The following FADS3 variants were observed in gnomAD, a reference collection of about 807,000 sequenced individuals.
FADS3 encodes the protein cytochrome b5-related protein.
In FADS3, 30 loss-of-function variants were observed where a neutral mutation model predicts 60.4. The observed-to-expected ratio is 0.50, with a 90% confidence interval of 0.37 to 0.67. FADS3 has a LOEUF of 0.67. Ranked by LOEUF, FADS3 falls within the 30% of genes least tolerant of loss-of-function variation. FADS3 has a pLI of 0.00. For missense variants in FADS3, 432 were observed against 598.3 expected (o/e 0.72, Z 2.90); for synonymous variants, 234 against 249.3 (o/e 0.94, Z 0.58).
upstream of FADS3, chr11:61,891,648 AC>A (rs35870730): frequency 0.18 from 26,916 of 151,370 alleles, 2,902 homozygotes; most frequent in Admixed American, 0.37. Flanking sequence ...AGGCTGGCTG[AC>A]CCCCCGCGTC....
chr11:61,879,160 T>G, intron 3 of FADS3, 152 bp downstream of exon 3: 1 of 767,892 alleles, frequency 1.3e-6, no homozygotes, highest in Non-Finnish European at 2.1e-6. Context: ...TGATGGGCCT[T>G]CAGACTGTTC....
chr11:61,879,606 G>C, intron 2 of FADS3, 97 bp from the exon 3 acceptor site: 1 of 1,204,136 alleles, frequency 8.3e-7, no homozygotes, highest in Non-Finnish European at 1.2e-6. Context: ...CAGGCCCAAG[G>C]GGTGTGGGCA....
intron 1 of FADS3, chr11:61,890,416 A>C (rs1269791449): frequency 6.6e-6 from 1 of 152,264 alleles, no homozygotes; most frequent in Non-Finnish European, 1.5e-5. Flanking sequence ...AGAAATTTGG[A>C]GGGTCAAGGA....
chr11:61,878,550 C>T lies in FADS3; in HGVS notation c.709G>A (p.Val237Met), dbSNP rs1938003510. Residue 237 changes from valine to methionine, a missense_variant, in exon 5 of 12, where the codon GTG becomes ATG. Val to Met is a conservative substitution (Grantham distance 21). This residue lies in a region of FADS3 where 116 missense variants were observed against 208.9 expected (regional missense o/e 0.56). Transcript: ENST00000278829. ...NIFHKDPDVT[V>M]APVFLLGESS... Reference sequence around the variant, plus strand: ...TCCCCCAGGAGGAAGACGGGCGCCACCGTCACGTCTGGGTCTTTGTGGAAG... The same window carrying T: ...TCCCCCAGGAGGAAGACGGGCGCCATCGTCACGTCTGGGTCTTTGTGGAAG... The T allele has an allele frequency of 1.2e-6, 2 of 1,614,218 alleles. No homozygotes were observed. Among genetic ancestry groups the T allele is most frequent in the Non-Finnish European group, 1.7e-6 (2 of 1,180,040 alleles).
chr11:61,880,248 C>A, intron 1 of FADS3, 97 bp from the exon 2 acceptor site: 2 of 930,044 alleles, frequency 2.2e-6, no homozygotes, highest in Non-Finnish European at 3.4e-6. Flanking sequence ...GATGGATGGG[C>A]AGAGCAGACG....
In FADS3 at chr11:61,891,201, G is replaced by T; in HGVS notation, c.181C>A (p.Leu61Ile). The change falls in exon 1 of 12, where the codon CTC becomes ATC. Residue 61 changes from leucine to isoleucine, a missense_variant. Around this residue, in one of 5 missense-constraint regions of FADS3, gnomAD observed 167 missense variants for 188.8 expected, o/e 0.88. Coordinates refer to ENST00000278829, the MANE Select transcript of FADS3 (RefSeq NM_021727.5). ...TCCTCAGCGCCGTGGTGGCCGATGA[G>T]GCGGCTGCCCCCTGGGTGCCGCTGT... ...WAQRHPGGSR[L>I]IGHHGAEDAT... 6.4e-7 allele frequency: 1 copy of T among 1,563,338 alleles called. No homozygotes were observed. Among genetic ancestry groups the T allele is most frequent in the Non-Finnish European group, 8.7e-7 (1 of 1,154,290 alleles).
intron 1 of FADS3, among the ~76,000 whole-genome samples, chr11:61,884,725 CCAGGGGTACGTG>C (rs2135999178): frequency 6.6e-6 from 1 of 152,248 alleles, no homozygotes; most frequent in Admixed American, 6.5e-5. Context: ...GAACATCCAC[CCAGGGGTACGTG>C]CACAAAGCCC....
chr11:61,888,981 C>T (rs1048122544), intron 1 of FADS3, among the ~76,000 whole-genome samples: 6 of 152,266 alleles, frequency 3.9e-5, no homozygotes, highest in South Asian at 2.1e-4. Context: ...CCGGAACCTC[C>T]GTCTCCTGGG....
Position 61,876,853 on chromosome 11 carries a change from C to A in FADS3, c.983+13G>T, listed in dbSNP as rs375381434. 2 of 1,596,658 alleles carry A rather than the reference C, an allele frequency of 1.3e-6. No individual in the cohort carries two copies. The highest frequency in any genetic ancestry group is 1.7e-5 in the Admixed American group (1 of 57,298). On this transcript the variant is annotated intron_variant, in intron 8 of 11. Transcript: ENST00000278829. This position sits in a 1 kb window ranked among gnomAD's most constrained non-coding sequence, Gnocchi z 5.7. ...CTGTCGCCTGTGTGTGACCTCGCCACTCCCTGCCATACCTGACAGCAACAA... is the reference window on the plus strand; with the variant it reads ...CTGTCGCCTGTGTGTGACCTCGCCAATCCCTGCCATACCTGACAGCAACAA...
In FADS3 at chr11:61,879,336, G is replaced by A. The variant is rs780702718; in HGVS notation, c.498C>T (p.Ala166=). Residue 166 remains alanine (A), a synonymous_variant, in exon 3 of 12, where the codon GCC becomes GCT. Coordinates refer to ENST00000278829, the MANE Select transcript of FADS3 (RefSeq NM_021727.5). ...LGPGWVPSAL[A]AFILAISQAQ... ...CCTGAGAGATGGCCAGGATGAAGGC[G>A]GCCAGGGCACTGGGCACCCAGCCAG... 45 of 1,555,428 alleles carry A rather than the reference G, an allele frequency of 2.9e-5. No individual in the cohort carries two copies. In the African/African-American group the frequency reaches 3.1e-4, roughly 11 times the overall value.
chr11:61,881,077 C>A (rs1380213232), intron 1 of FADS3: 2 of 152,182 alleles, frequency 1.3e-5, no homozygotes, highest in African/African-American at 4.8e-5. Context: ...TGTAAGAGGC[C>A]AAGGCACGAG....
chr11:61,877,193 G>T lies in FADS3; in HGVS notation c.886-230C>A, dbSNP rs1937927916. 3 of 559,952 alleles carry T rather than the reference G, an allele frequency of 5.4e-6. No individual in the cohort carries two copies. The South Asian group carries it at 6.4e-5, about 12-fold the overall frequency. 34.7% of individuals were successfully genotyped at this position (559,952 alleles called of 1,614,324 possible). The stretch of plus-strand genomic sequence containing the variant: ...GTGACGAAGGTGTCATGCAGGGTGT[G>T]TTGGGGAAGACCCTGCCAGGGACAC... On this transcript the variant is annotated intron_variant, in intron 7 of 11. Coordinates refer to ENST00000278829, the MANE Select transcript of FADS3 (RefSeq NM_021727.5). The surrounding 1 kb of genome is among the most constrained non-coding windows in gnomAD (Gnocchi z 4.7).
At chr11:61,882,047 G>A (rs973757864) in intron 1 of FADS3, 3 of 150,992 alleles carry the variant, frequency 2.0e-5, no homozygotes, top group Admixed American at 6.6e-5. Context: ...CTGGTGTACA[G>A]GGGAGCTGGG....
chr11:61,876,808 G>C lies in FADS3; in HGVS notation c.983+58C>G. On this transcript the variant is annotated intron_variant, in intron 8 of 11. Coordinates refer to ENST00000278829, the MANE Select transcript of FADS3 (RefSeq NM_021727.5). The surrounding 1 kb of genome is among the most constrained non-coding windows in gnomAD (Gnocchi z 5.7). ...GACGGGAAAAGGGAAGCTCTGGTGG[G>C]GGGCTGCAGTGGGGGTCACCTGTCG... 7.6e-7 allele frequency: 1 copy of C among 1,313,476 alleles called. No individual in the cohort carries two copies. The highest frequency in any genetic ancestry group is 2.0e-5 in the Admixed American group (1 of 51,120). 81.4% of individuals were successfully genotyped at this position (1,313,476 alleles called of 1,614,324 possible).
At position 61,875,299 on chromosome 11, in the gene FADS3, C is replaced by T. The variant is rs182195103; in HGVS notation, c.1286+552G>A. On this transcript the variant is annotated intron_variant, in intron 11 of 11. Transcript: ENST00000278829. ...CAGCTCACTGCAACCTCCGCCCCTG[C>T]GAGTTCAAGTGATTCTCCTCCCTCA... 1.5e-4 allele frequency among the ~76,000 whole-genome samples: 23 copies of T among 152,044 alleles called. No homozygotes were observed. The East Asian group carries it at 3.5e-3, about 23-fold the overall frequency.
At chr11:61,892,138 C>G (rs915588610), upstream of FADS3, 1 of 152,342 alleles carries the variant, frequency 6.6e-6, no homozygotes, top group Admixed American at 6.5e-5. Flanking sequence ...GCTGGGGATG[C>G]CCAGGGGTGG....
In FADS3 at chr11:61,880,046, G is replaced by T; in HGVS notation, c.319C>A (p.Leu107Met). The T allele has an allele frequency of 6.2e-7, 1 of 1,613,116 alleles. No homozygotes were observed. The highest frequency in any genetic ancestry group is 8.5e-7 in the Non-Finnish European group (1 of 1,179,220). Residue 107 changes from leucine to methionine, a missense_variant, in exon 2 of 12, where the codon CTG (leucine) becomes ATG (methionine). Leu to Met is a conservative substitution (Grantham distance 15). Around this residue, in one of 5 missense-constraint regions of FADS3, gnomAD observed 167 missense variants for 188.8 expected, o/e 0.88. Transcript: ENST00000278829. ...CTCCTAGGGCTCTGGCTCACATTCAGGGGTCCATCCTGGCTGGGTTCTTCC... is the reference window on the plus strand; with the variant it reads ...CTCCTAGGGCTCTGGCTCACATTCATGGGTCCATCCTGGCTGGGTTCTTCC... Reference protein sequence around the residue: ...APEEPSQDGPLNAQLVEDFRA... With the variant: ...APEEPSQDGPMNAQLVEDFRA...
chr11:61,879,477 G>C lies in FADS3; in HGVS notation c.357C>G (p.His119Gln). ...ACAGCTTCATGTCCTCGGCTGCCTG[G>C]TGCAGGGCTCGGAAGTCCTCGACCA... ...AQLVEDFRAL[H>Q]QAAEDMKLFD... The change falls in exon 3 of 12, where the codon CAC becomes CAG. Residue 119 changes from histidine to glutamine, a missense_variant. Coordinates refer to ENST00000278829, the MANE Select transcript of FADS3 (RefSeq NM_021727.5). The C allele has an allele frequency of 6.2e-7, 1 of 1,600,604 alleles. No individual in the cohort carries two copies. Among genetic ancestry groups the C allele is most frequent in the Non-Finnish European group, 8.5e-7 (1 of 1,175,178 alleles).
At chr11:61,886,679 T>G (rs970600890) in intron 1 of FADS3, among the ~76,000 whole-genome samples, 5 of 152,040 alleles carry the variant, frequency 3.3e-5, no homozygotes, top group Non-Finnish European at 7.4e-5. Flanking sequence ...AAGGTTCCAT[T>G]ACACCCCCCA....
Sources: gnomAD v4.1 joint callset for allele counts (sites outside exome capture counted in the v4.1 genomes callset) on GRCh38, gnomAD v4.1.1 for gene constraint, gnomAD v4.1.1 regional missense constraint, Gnocchi (gnomAD v3.1) non-coding constraint, MANE v1.5 for transcripts, NCBI Gene and HGNC (gene_info 2026-07-23, HGNC 2026-07-21) for gene names.